CLEC16A: variants seen among roughly 807,000 people sequenced by gnomAD.
CLEC16A encodes protein CLEC16A.
A neutral mutation model predicts 109.5 loss-of-function variants in CLEC16A; 51 were observed. The ratio of observed to expected loss-of-function variants is 0.47; its 90% CI spans 0.37 to 0.59. The LOEUF (loss-of-function observed/expected upper bound fraction) is 0.59. CLEC16A is among the 20% of genes least tolerant of loss of function. CLEC16A has a pLI of 0.00. For synonymous variants in CLEC16A, 673 were observed against 564.2 expected, an observed-to-expected ratio of 1.19 and a Z score of -2.73; for missense variants, 1,339 against 1,394.0, an observed-to-expected ratio of 0.96 and a Z score of 0.63.
At chr16:11,039,940 G>C in intron 14 of CLEC16A, 64 bp downstream of exon 14, 1 of 1,563,050 alleles carries the variant, frequency 6.4e-7, no homozygotes, top group Non-Finnish European at 8.7e-7. Flanking sequence ...ACCCCACTGG[G>C]AGCCTGAGCC....
At chr16:11,103,036 C>G (rs972893133) in intron 19 of CLEC16A, among the ~76,000 whole-genome samples, 2 of 152,202 alleles carry the variant, frequency 1.3e-5, no homozygotes, top group African/African-American at 2.4e-5. Context: ...GGCTGAAACT[C>G]AGGGACAGAC....
chr16:10,989,389 T>G (rs537559080), intron 10 of CLEC16A, among the ~76,000 whole-genome samples: 60 of 151,950 alleles, frequency 3.9e-4, no homozygotes, highest in African/African-American at 1.3e-3. Flanking sequence ...CCCAGATAAC[T>G]TTTGTTTTTT....
intron 10 of CLEC16A, among the ~76,000 whole-genome samples, chr16:10,990,221 A>G (rs184154112): frequency 2.6e-4 from 40 of 152,346 alleles, no homozygotes; most frequent in African/African-American, 3.6e-4. Context: ...ATTGAGGTCT[A>G]TCCCCTAATC....
At chr16:11,114,852 C>T (rs1403871418) in intron 19 of CLEC16A, among the ~76,000 whole-genome samples, 3 of 152,212 alleles carry the variant, frequency 2.0e-5, no homozygotes, top group African/African-American at 7.2e-5. Flanking sequence ...GAAGCCGCTT[C>T]ATTTCTCCTT....
At chr16:11,048,122 G>T (rs1404544129) in intron 17 of CLEC16A, 1 of 152,380 alleles carries the variant, frequency 6.6e-6, no homozygotes, top group Admixed American at 6.5e-5. Flanking sequence ...GAGGTCTAGT[G>T]ATGTACCCAA....
At chr16:11,111,664 G>A (rs2051596295) in intron 19 of CLEC16A, among the ~76,000 whole-genome samples, 1 of 152,186 alleles carries the variant, frequency 6.6e-6, no homozygotes, top group Non-Finnish European at 1.5e-5. Flanking sequence ...GTTACACCAA[G>A]GAGAAGGTCT....
At chr16:11,138,049 G>A (rs1030379203) in intron 22 of CLEC16A, among the ~76,000 whole-genome samples, 4 of 152,200 alleles carry the variant, frequency 2.6e-5, no homozygotes, top group African/African-American at 7.2e-5. Flanking sequence ...GTACGGGACC[G>A]CCTGGTGGAG....
At chr16:11,032,507 A>C (rs754865021) in intron 13 of CLEC16A, among the ~76,000 whole-genome samples, 6 of 152,250 alleles carry the variant, frequency 3.9e-5, no homozygotes, top group Non-Finnish European at 8.8e-5. Flanking sequence ...TAGGCACTCA[A>C]ACAAGCCCAG....
Position 11,105,749 on chromosome 16 carries a change from G to A in CLEC16A, c.2117-14866G>A, listed in dbSNP as rs557227514. Among the ~76,000 whole-genome samples the A allele has an allele frequency of 6.4e-4, 98 of 152,352 alleles. 3 individuals carry two copies. In the South Asian group the frequency reaches 0.02, roughly 31 times the overall value. ...TGCCTGAAAATGGCACTTTCAGTTAGTTATTGCTCCTGGGCCGTGTACCAG... is the reference window on the plus strand; with the variant it reads ...TGCCTGAAAATGGCACTTTCAGTTAATTATTGCTCCTGGGCCGTGTACCAG... On this transcript the variant is annotated intron_variant, in intron 19 of 23. Transcript: ENST00000409790.
At position 11,126,102 on chromosome 16, in the gene CLEC16A, C is replaced by T. The variant is rs746930180; in HGVS notation, c.2597C>T (p.Pro866Leu). Reference protein sequence around the residue: ...YDQGRRGSSDPTVQRSVFASV... With the variant: ...YDQGRRGSSDLTVQRSVFASV... ...CAGGGGCGCCGGGGCAGCAGCGACC[C>T]CACAGTGCAGCGCTCCGTGTTTGCA... The change falls in exon 22 of 24, where the codon CCC becomes CTC. Residue 866 changes from proline (P) to leucine (L), a missense_variant. Physicochemically the swap from Pro to Leu is moderately conservative, Grantham distance 98. Coordinates refer to ENST00000409790, the MANE Select transcript of CLEC16A (RefSeq NM_015226.3). 2.5e-6 allele frequency: 4 copies of T among 1,613,806 alleles called. No individual in the cohort carries two copies. The Admixed American group carries it at 5.0e-5, about 20-fold the overall frequency.
At chr16:11,058,307 C>G (rs992344603) in intron 18 of CLEC16A, among the ~76,000 whole-genome samples, 9 of 152,208 alleles carry the variant, frequency 5.9e-5, no homozygotes, top group Non-Finnish European at 8.8e-5. Context: ...CTAGGGCTCC[C>G]CCAAGGATAC....
intron 13 of CLEC16A, among the ~76,000 whole-genome samples, chr16:11,039,543 G>C (rs1183936917): frequency 6.6e-6 from 1 of 152,084 alleles, no homozygotes; most frequent in Non-Finnish European, 1.5e-5. Flanking sequence ...CCAGCACTTG[G>C]GGAAGCCCAG....
In CLEC16A at chr16:11,042,346, C is replaced by A; in HGVS notation, c.1753C>A (p.His585Asn). ...MSAGCIMKDV[H>N]LACLEGAREE... ...TGCTGGCTGCATCATGAAGGACGTG[C>A]ACCTGGCCTGCCTGGAGGTAACGCC... The change falls in exon 15 of 24, where the codon CAC becomes AAC. Residue 585 changes from histidine (H) to asparagine (N), a missense_variant. By Grantham distance (68) the His-to-Asn change is moderately conservative. Around this residue, in one of 3 missense-constraint regions of CLEC16A, gnomAD observed 1,061 missense variants for 1,006.8 expected, o/e 1.05. Coordinates refer to ENST00000409790, the MANE Select transcript of CLEC16A (RefSeq NM_015226.3). The A allele has an allele frequency of 6.3e-7, 1 of 1,587,194 alleles. No individual in the cohort carries two copies. The highest frequency in any genetic ancestry group is 8.6e-7 in the Non-Finnish European group (1 of 1,166,902).
intron 22 of CLEC16A, among the ~76,000 whole-genome samples, chr16:11,151,068 G>A (rs1161313553): frequency 1.3e-5 from 2 of 152,182 alleles, no homozygotes; most frequent in African/African-American, 4.8e-5. Flanking sequence ...CACATTCTGA[G>A]TCTGAGGTAC....
At chr16:11,093,225 A>T (rs535650423) in intron 19 of CLEC16A, among the ~76,000 whole-genome samples, 3 of 152,382 alleles carry the variant, frequency 2.0e-5, no homozygotes, top group African/African-American at 7.2e-5. Context: ...AGAGAAGGGC[A>T]GTAGGCTTCA....
At chr16:10,989,861 G>A (rs1271630062) in intron 10 of CLEC16A, among the ~76,000 whole-genome samples, 1 of 152,206 alleles carries the variant, frequency 6.6e-6, no homozygotes, top group African/African-American at 2.4e-5. Flanking sequence ...TAGCTCCCCT[G>A]GTCGCTGCTG....
At chr16:11,059,415 G>A (rs1030607464) in intron 18 of CLEC16A, among the ~76,000 whole-genome samples, 10 of 152,212 alleles carry the variant, frequency 6.6e-5, no homozygotes, top group Non-Finnish European at 1.3e-4. Context: ...ATAGGGCCAG[G>A]AGATAGGATT....
chr16:11,136,461 TTTGTTGTTGTTG>T (rs151238568), intron 22 of CLEC16A, among the ~76,000 whole-genome samples: 4 of 151,872 alleles, frequency 2.6e-5, no homozygotes, highest in Non-Finnish European at 5.9e-5. Flanking sequence ...CTCTTGCCAT[TTTGTTGTTGTTG>T]TTGTTGTTGT....
At chr16:11,085,392 T>C (rs2049956808) in intron 19 of CLEC16A, among the ~76,000 whole-genome samples, 1 of 152,254 alleles carries the variant, frequency 6.6e-6, no homozygotes, top group Admixed American at 6.5e-5. Context: ...GTGGAGGTGC[T>C]GGGGCAGCAC....
Sources: allele counts gnomAD v4.1 joint callset (sites outside exome capture counted in the v4.1 genomes callset), GRCh38; gene constraint gnomAD v4.1.1; regional missense constraint gnomAD v4.1.1; transcripts MANE v1.5; gene names NCBI Gene and HGNC (gene_info 2026-07-23, HGNC 2026-07-21).